The following ETFA variants were observed in gnomAD, a reference collection of about 807,000 sequenced individuals.
ETFA encodes the protein electron transfer flavoprotein subunit alpha, also known as electron transfer flavoprotein subunit alpha, mitochondrial.
In ETFA, 22 loss-of-function variants were observed where a neutral mutation model predicts 46.2. The observed-to-expected ratio is 0.48, with a 90% CI of 0.34 to 0.68. The LOEUF (loss-of-function observed/expected upper bound fraction) is 0.68, where lower values mean the gene tolerates loss of function less well. Ranked by LOEUF, ETFA falls within the 30% of genes least tolerant of loss-of-function variation. ETFA has a pLI of 0.01. For missense variants in ETFA, 345 were observed against 401.1 expected (o/e 0.86, Z 1.19); for synonymous variants, 131 against 139.9 (o/e 0.94, Z 0.45).
At chr15:76,261,941 G>C (rs992257879) in intron 9 of ETFA, among the ~76,000 whole-genome samples, 4 of 152,176 alleles carry the variant, frequency 2.6e-5, no homozygotes, top group Non-Finnish European at 4.4e-5. Flanking sequence ...TTGAGCCTAG[G>C]AGACCAGTCC....
intron 2 of ETFA, among the ~76,000 whole-genome samples, chr15:76,293,282 T>C (rs928249149): frequency 2.6e-5 from 4 of 152,240 alleles, no homozygotes; most frequent in African/African-American, 9.6e-5. Context: ...AAAGTGCTAA[T>C]TGACAAACCA....
At chr15:76,274,208 T>C in intron 9 of ETFA, 1 of 572,224 alleles carries the variant, frequency 1.7e-6, no homozygotes, top group Non-Finnish European at 3.1e-6. Context: ...AATACTTGAA[T>C]AATAAGCTGG....
At chr15:76,218,919 G>A (rs546823469) in intron 11 of ETFA, among the ~76,000 whole-genome samples, 2 of 152,278 alleles carry the variant, frequency 1.3e-5, no homozygotes, top group East Asian at 3.9e-4. Flanking sequence ...CATAGACAGA[G>A]AGGCCTATGA....
intron 9 of ETFA, chr15:76,260,840 C>A: frequency 3.1e-6 from 5 of 1,611,530 alleles, no homozygotes; most frequent in Non-Finnish European, 4.2e-6. Flanking sequence ...TGGTGGCAGG[C>A]ACCAGGTCCC....
At chr15:76,254,099 G>A (rs557303349) in intron 9 of ETFA, among the ~76,000 whole-genome samples, 11 of 152,334 alleles carry the variant, frequency 7.2e-5, no homozygotes, top group African/African-American at 2.4e-4. Context: ...CTCCCTTGGG[G>A]CATTTGCAGA....
chr15:76,239,272 C>A (rs1340175756), intron 9 of ETFA, among the ~76,000 whole-genome samples: 1 of 152,064 alleles, frequency 6.6e-6, no homozygotes, highest in Non-Finnish European at 1.5e-5. Flanking sequence ...ATATTTGACA[C>A]ATAAAAATTA....
intron 9 of ETFA, chr15:76,258,909 G>A (rs2039373708): frequency 1.0e-6 from 1 of 990,106 alleles, no homozygotes; most frequent in Non-Finnish European, 1.6e-6. Flanking sequence ...TCTGGGCTGA[G>A]GTCAGACAGG....
At chr15:76,226,058 GT>G in intron 10 of ETFA, 129 bp from the exon 11 acceptor site, 1 of 651,176 alleles carries the variant, frequency 1.5e-6, no homozygotes. Context: ...AGGCATCTGT[GT>G]CAACACTGTA....
chr15:76,252,959 G>C (rs1400911573), intron 9 of ETFA, among the ~76,000 whole-genome samples: 1 of 148,024 alleles, frequency 6.8e-6, no homozygotes, highest in African/African-American at 2.5e-5. Context: ...CTGGAGTGCA[G>C]TGGCTGTTGA....
At chr15:76,304,359 G>A (rs4886488) in intron 1 of ETFA, among the ~76,000 whole-genome samples, 39,516 of 151,932 alleles carry the variant, frequency 0.26, 5,851 homozygotes, top group East Asian at 0.58. Context: ...TTACCTGGGC[G>A]GCAAAATAAT....
intron 8 of ETFA, among the ~76,000 whole-genome samples, chr15:76,278,813 A>G (rs879280661): frequency 6.6e-6 from 1 of 152,224 alleles, no homozygotes; most frequent in Non-Finnish European, 1.5e-5. Context: ...CACCACCTGC[A>G]GCTATGTCCA....
chr15:76,299,403 C>T (rs1476086589), intron 1 of ETFA, among the ~76,000 whole-genome samples: 4 of 152,158 alleles, frequency 2.6e-5, no homozygotes. Flanking sequence ...CCCATCTCAG[C>T]CTCCCAAGTC....
chr15:76,292,549 G>A (rs1374989326), intron 3 of ETFA, 36 bp from the exon 4 acceptor site: 2 of 1,591,634 alleles, frequency 1.3e-6, no homozygotes, highest in Admixed American at 3.3e-5. Flanking sequence ...AAAATATTTT[G>A]AAATACTTTC....
At chr15:76,295,785 GGT>G in intron 1 of ETFA, 48 bp from the exon 2 acceptor site, 1 of 1,423,464 alleles carries the variant, frequency 7.0e-7, no homozygotes, top group Non-Finnish European at 9.5e-7. Flanking sequence ...GTTGTCACAG[GGT>G]TTTTTTTTTT....
rs751413443 is a variant in ETFA at position 76,216,612 on chromosome 15, A to G, written c.964-15T>C. On this transcript the variant is annotated splice_polypyrimidine_tract_variant and intron_variant, in intron 11 of 11. Coordinates refer to ENST00000557943, the MANE Select transcript of ETFA (RefSeq NM_000126.4). Reference sequence around the variant, plus strand: ...TCAGGAACTACCTGCAAATAAAAACAAAAAGTAATTAAGCAACTAGAGCCT... The same window carrying G: ...TCAGGAACTACCTGCAAATAAAAACGAAAAGTAATTAAGCAACTAGAGCCT... The G allele has an allele frequency of 3.2e-6, 5 of 1,548,692 alleles. No homozygotes were observed. Among genetic ancestry groups the G allele is most frequent in the South Asian group, 1.1e-5 (1 of 89,608 alleles).
chr15:76,238,679 A>C (rs2039152041), intron 9 of ETFA, among the ~76,000 whole-genome samples: 1 of 152,208 alleles, frequency 6.6e-6, no homozygotes, highest in Non-Finnish European at 1.5e-5. Context: ...TGTCTTTGGG[A>C]AGTAGATTAA....
At chr15:76,244,546 A>G (rs1011924793) in intron 9 of ETFA, among the ~76,000 whole-genome samples, 3 of 152,190 alleles carry the variant, frequency 2.0e-5, no homozygotes, top group Non-Finnish European at 4.4e-5. Context: ...TACATATGCT[A>G]AATGACCAAT....
chr15:76,294,759 G>C (rs1236864171), intron 2 of ETFA, among the ~76,000 whole-genome samples: 3 of 152,108 alleles, frequency 2.0e-5, no homozygotes, highest in Non-Finnish European at 4.4e-5. Flanking sequence ...ATGTTGCCCA[G>C]GCTGGTCTCA....
intron 4 of ETFA, among the ~76,000 whole-genome samples, chr15:76,291,643 G>A (rs917453599): frequency 6.6e-6 from 1 of 151,716 alleles, no homozygotes; most frequent in African/African-American, 2.4e-5. Context: ...CCAGCTACTC[G>A]GGAGGCTGAG....
Sources: gnomAD v4.1 joint callset for allele counts (sites outside exome capture counted in the v4.1 genomes callset) on GRCh38, gnomAD v4.1.1 for gene constraint, MANE v1.5 for transcripts, NCBI Gene and HGNC (gene_info 2026-07-23, HGNC 2026-07-21) for gene names.